The following BLVRA variants were observed in gnomAD, a reference collection of about 807,000 sequenced individuals.
The protein encoded by BLVRA is BVR A.
In BLVRA, 22 loss-of-function variants were observed where a neutral mutation model predicts 32.8. That is an observed-to-expected ratio of 0.67 (90% CI 0.48 to 0.96). The LOEUF is 0.96. Ranked by LOEUF, BLVRA falls within the 40% of genes least tolerant of loss-of-function variation. The pLI, the probability that BLVRA is intolerant of heterozygous loss-of-function variation, is 0.00. For synonymous variants in BLVRA, 119 were observed against 141.3 expected, an observed-to-expected ratio of 0.84 and a Z score of 1.12; for missense variants, 323 against 358.1, an observed-to-expected ratio of 0.90 and a Z score of 0.79.
intron 1 of BLVRA, among the ~76,000 whole-genome samples, chr7:43,768,880 C>G (rs1159226872): frequency 2.6e-5 from 4 of 151,972 alleles, no homozygotes; most frequent in Non-Finnish European, 5.9e-5. Flanking sequence ...GCGCTCCCAC[C>G]CCACCCACCA....
intron 3 of BLVRA, 78 bp from the exon 4 acceptor site, chr7:43,791,171 G>A: frequency 6.2e-7 from 1 of 1,602,042 alleles, no homozygotes; most frequent in South Asian, 1.1e-5. Flanking sequence ...ACCAGGACCT[G>A]TCGGGAGGAG....
chr7:43,763,877 C>T (rs1417724126), intron 1 of BLVRA, among the ~76,000 whole-genome samples: 1 of 152,110 alleles, frequency 6.6e-6, no homozygotes, highest in Non-Finnish European at 1.5e-5. Context: ...CTTGAAGTTC[C>T]TCACCTGAAA....
At chr7:43,773,709 G>A (rs561040352) in intron 2 of BLVRA, among the ~76,000 whole-genome samples, 61 of 152,162 alleles carry the variant, frequency 4.0e-4, no homozygotes, top group Non-Finnish European at 7.6e-4. Flanking sequence ...CTGAGGAATC[G>A]CCACACTGAC....
intron 1 of BLVRA, among the ~76,000 whole-genome samples, chr7:43,760,790 A>G (rs1288705114): frequency 7.5e-6 from 1 of 134,086 alleles, no homozygotes; most frequent in East Asian, 2.1e-4. Context: ...TTTTTTTGAG[A>G]TGGAGTCTCA....
intron 6 of BLVRA, among the ~76,000 whole-genome samples, chr7:43,802,471 C>T (rs751455649): frequency 6.6e-6 from 1 of 152,004 alleles, no homozygotes; most frequent in Admixed American, 6.6e-5. Context: ...AAATGGATTT[C>T]TCACACCAAT....
intron 7 of BLVRA, among the ~76,000 whole-genome samples, chr7:43,805,737 TTGAGACCGGGTTA>T (rs1225554259): frequency 6.6e-6 from 1 of 152,186 alleles, no homozygotes; most frequent in Non-Finnish European, 1.5e-5. Flanking sequence ...TTTATTTATT[TTGAGACCGGGTTA>T]TGAGACTGGC....
At chr7:43,802,716 G>T (rs2095799922) in intron 6 of BLVRA, among the ~76,000 whole-genome samples, 1 of 152,086 alleles carries the variant, frequency 6.6e-6, no homozygotes, top group African/African-American at 2.4e-5. Context: ...GCCTAGGCTG[G>T]TCTTGAACTC....
chr7:43,774,638 A>G (rs1476309779), intron 2 of BLVRA, among the ~76,000 whole-genome samples: 3 of 152,164 alleles, frequency 2.0e-5, no homozygotes, highest in Non-Finnish European at 4.4e-5. Flanking sequence ...TTTTGGTTCC[A>G]TATGAACTTT....
chr7:43,774,423 G>A (rs1431929080), intron 2 of BLVRA, among the ~76,000 whole-genome samples: 5 of 151,870 alleles, frequency 3.3e-5, no homozygotes, highest in South Asian at 2.1e-4. Flanking sequence ...TGTTTTTGTC[G>A]GGTTTGTCAA....
Position 43,803,837 on chromosome 7 carries a change from G to T in BLVRA, c.622G>T (p.Glu208Ter). The part of the protein sequence containing the change: ...YMKMTVCLET[E>*]KKSPLSWIEE... ...GAAAATGACAGTGTGTCTGGAGACAGAGAAGAAAAGGTAAGTCATGAGAAG... is the reference window on the plus strand; with the variant it reads ...GAAAATGACAGTGTGTCTGGAGACATAGAAGAAAAGGTAAGTCATGAGAAG... Residue 208 changes from glutamate to a stop codon, truncating the protein, a stop_gained, in exon 7 of 8, where the codon GAG (glutamate) becomes TAG (stop). Transcript: ENST00000265523. LOFTEE classifies it high-confidence loss of function. 1 of 1,614,050 alleles carries T rather than the reference G, an allele frequency of 6.2e-7. No homozygotes were observed.
Position 43,787,759 on chromosome 7 carries a change from A to G in BLVRA, c.13-145A>G. ...AAGCCCCCATTTCGGGGACTGTCTCATCCCATCCTGATGCTGTGGCTTCCT... is the reference window on the plus strand; with the variant it reads ...AAGCCCCCATTTCGGGGACTGTCTCGTCCCATCCTGATGCTGTGGCTTCCT... On this transcript the variant is annotated intron_variant, in intron 2 of 7. Transcript: ENST00000265523. The surrounding 1 kb of genome is among the most constrained non-coding windows in gnomAD (Gnocchi z 4.5). 7.8e-7 allele frequency: 1 copy of G among 1,283,630 alleles called. No homozygotes were observed. 79.5% of individuals were successfully genotyped at this position (1,283,630 alleles called of 1,614,324 possible).
At chr7:43,767,526 T>C in intron 1 of BLVRA, 1 of 1,148,824 alleles carries the variant, frequency 8.7e-7, no homozygotes, top group Non-Finnish European at 1.3e-6. Flanking sequence ...ACCGGCCATG[T>C]GGTGCTGGCC....
chr7:43,792,218 A>G (rs1344786746), intron 4 of BLVRA, among the ~76,000 whole-genome samples: 1 of 152,140 alleles, frequency 6.6e-6, no homozygotes, highest in Non-Finnish European at 1.5e-5. Flanking sequence ...ACAAAGCCCC[A>G]CAAATGCCCA....
At chr7:43,771,248 T>C (rs2095754343) in intron 2 of BLVRA, 78 bp downstream of exon 2, 19 of 1,516,622 alleles carry the variant, frequency 1.3e-5, no homozygotes, top group Non-Finnish European at 1.6e-5. Context: ...GAGTCTCCAT[T>C]CCCTTTCAGA....
At chr7:43,759,992 T>TTA (rs1554580937) in intron 1 of BLVRA, 3 of 131,240 alleles carry the variant, frequency 2.3e-5, no homozygotes, top group Non-Finnish European at 5.1e-5. Context: ...TATGTAATTT[T>TTA]TTTTTTTTTT....
chr7:43,794,951 C>T (rs552806623), intron 5 of BLVRA, among the ~76,000 whole-genome samples: 1 of 152,226 alleles, frequency 6.6e-6, no homozygotes, highest in South Asian at 2.1e-4. Context: ...TGGCTCATGC[C>T]TGTCATCCCA....
chr7:43,774,813 A>C (rs537635669), intron 2 of BLVRA, among the ~76,000 whole-genome samples: 1 of 152,096 alleles, frequency 6.6e-6, no homozygotes, highest in Admixed American at 6.5e-5. Flanking sequence ...CTTTTATTTC[A>C]TTGAGCAGTG....
chr7:43,762,594 A>G (rs1482416722), intron 1 of BLVRA, among the ~76,000 whole-genome samples: 1 of 143,876 alleles, frequency 7.0e-6, no homozygotes, highest in Admixed American at 7.0e-5. Flanking sequence ...ATTTCCATGA[A>G]CCCAGTAGTT....
chr7:43,806,621 G>A (rs572449130), intron 7 of BLVRA, among the ~76,000 whole-genome samples: 9 of 152,126 alleles, frequency 5.9e-5, no homozygotes, highest in South Asian at 4.2e-4. Context: ...GGTGGCAGGC[G>A]CCTGTAATCC....
Sources: gnomAD v4.1 joint callset for allele counts (sites outside exome capture counted in the v4.1 genomes callset) on GRCh38, gnomAD v4.1.1 for gene constraint, Gnocchi (gnomAD v3.1) non-coding constraint, MANE v1.5 for transcripts, NCBI Gene and HGNC (gene_info 2026-07-23, HGNC 2026-07-21) for gene names.